MAP3K13: variants seen among roughly 807,000 people sequenced by gnomAD.
MAP3K13 encodes mitogen-activated protein kinase kinase kinase 13.
In MAP3K13, 52 loss-of-function variants were observed where a neutral mutation model predicts 104.0. The observed-to-expected ratio is 0.50, with a 90% CI of 0.40 to 0.63. The LOEUF is 0.63. MAP3K13 is among the 20% of genes least tolerant of loss of function. The probability of loss-of-function intolerance (pLI) is 0.00; values close to 1 mark genes in which losing one functional copy is unlikely to be tolerated. For synonymous variants in MAP3K13, 394 were observed against 442.2 expected (o/e 0.89, Z 1.37); for missense variants, 914 against 1,218.5 (o/e 0.75, Z 3.72).
chr3:185,287,782 T>G (rs1164579110), intron 2 of MAP3K13, among the ~76,000 whole-genome samples: 1 of 152,136 alleles, frequency 6.6e-6, no homozygotes, highest in Non-Finnish European at 1.5e-5. Flanking sequence ...ATGCCTGTAA[T>G]CCTAGCACTT....
intron 2 of MAP3K13, among the ~76,000 whole-genome samples, chr3:185,286,755 A>C (rs1257153668): frequency 6.6e-6 from 1 of 152,204 alleles, no homozygotes; most frequent in African/African-American, 2.4e-5. Context: ...AACCAGTGTA[A>C]GGAATTATTG....
At position 185,482,352 on chromosome 3, in the gene MAP3K13, C is replaced by A; in HGVS notation, c.2800-3C>A. 1 of 1,609,784 alleles carries A rather than the reference C, an allele frequency of 6.2e-7. No homozygotes were observed. Among genetic ancestry groups the A allele is most frequent in the Non-Finnish European group, 8.5e-7 (1 of 1,176,070 alleles). On this transcript the variant is annotated splice_polypyrimidine_tract_variant and splice_region_variant and intron_variant, in intron 13 of 13. Coordinates refer to ENST00000265026, the MANE Select transcript of MAP3K13 (RefSeq NM_004721.5). The surrounding 1 kb of genome is among the most constrained non-coding windows in gnomAD (Gnocchi z 4.5). ...GAATTAAGGTTTTGTCTTGCCTTTGCAGAACCCCATGCAGTTTGAAGAATC... is the reference window on the plus strand; with the variant it reads ...GAATTAAGGTTTTGTCTTGCCTTTGAAGAACCCCATGCAGTTTGAAGAATC...
At position 185,473,679 on chromosome 3, in the gene MAP3K13, G is replaced by A. The variant is rs1717943682; in HGVS notation, c.2348G>A (p.Gly783Asp). ...AAAACGGAAGAAAATGAATTCAGCGGCTGTAGGTCTGAGTCATCCCTCGGC... is the reference window on the plus strand; with the variant it reads ...AAAACGGAAGAAAATGAATTCAGCGACTGTAGGTCTGAGTCATCCCTCGGC... ...SEKTEENEFS[G>D]CRSESSLGTS... The change falls in exon 11 of 14, where the codon GGC becomes GAC. Residue 783 changes from glycine (G) to aspartate (D), a missense_variant. Gly to Asp is a moderately conservative substitution (Grantham distance 94). Coordinates refer to ENST00000265026, the MANE Select transcript of MAP3K13 (RefSeq NM_004721.5). This position sits in a 1 kb window ranked among gnomAD's most constrained non-coding sequence, Gnocchi z 4.9. 3 of 1,614,014 alleles carry A rather than the reference G, an allele frequency of 1.9e-6. No homozygotes were observed. Among genetic ancestry groups the A allele is most frequent in the African/African-American group, 2.7e-5 (2 of 74,916 alleles).
chr3:185,322,923 C>T (rs1721916094), intron 2 of MAP3K13, among the ~76,000 whole-genome samples: 1 of 152,138 alleles, frequency 6.6e-6, no homozygotes, highest in African/African-American at 2.4e-5. Context: ...AGGCCCTCGT[C>T]ACCTCATGCC....
chr3:185,381,214 G>C (rs149980761), intron 1 of MAP3K13, among the ~76,000 whole-genome samples: 1 of 151,962 alleles, frequency 6.6e-6, no homozygotes, highest in Non-Finnish European at 1.5e-5. Context: ...CACCCACCTC[G>C]GCCTCCCAAA....
chr3:185,371,271 C>T (rs371425081), intron 1 of MAP3K13, among the ~76,000 whole-genome samples: 16 of 152,214 alleles, frequency 1.1e-4, no homozygotes, highest in African/African-American at 2.9e-4. Context: ...AATTGTCAAG[C>T]CAAGAGGGCT....
At chr3:185,300,006 C>A (rs1275414825) in intron 2 of MAP3K13, among the ~76,000 whole-genome samples, 2 of 152,218 alleles carry the variant, frequency 1.3e-5, no homozygotes, top group Non-Finnish European at 2.9e-5. Flanking sequence ...CTCACCTTTT[C>A]TCTCTTCCCC....
chr3:185,479,757 G>A (rs113801398), intron 12 of MAP3K13, among the ~76,000 whole-genome samples: 83 of 152,308 alleles, frequency 5.4e-4, no homozygotes, highest in African/African-American at 1.9e-3. Flanking sequence ...TGGAGCTGGG[G>A]AAGTCCAAGA....
chr3:185,291,657 G>T, intron 2 of MAP3K13: 1 of 1,532,136 alleles, frequency 6.5e-7, no homozygotes, highest in Non-Finnish European at 8.7e-7. Context: ...TCATCATTAT[G>T]CATTCAAGAT....
At chr3:185,304,882 TCGGC>T (rs1159341751) in intron 2 of MAP3K13, among the ~76,000 whole-genome samples, 1 of 152,160 alleles carries the variant, frequency 6.6e-6, no homozygotes, top group Non-Finnish European at 1.5e-5. Context: ...TCCGCCCCCT[TCGGC>T]CTCCCAAAGT....
chr3:185,414,159 A>G (rs1482098064), intron 1 of MAP3K13, among the ~76,000 whole-genome samples: 2 of 152,156 alleles, frequency 1.3e-5, no homozygotes, highest in East Asian at 1.9e-4. Flanking sequence ...TTTTTCACCA[A>G]TTATTGTCAA....
At chr3:185,329,207 A>G (rs1367495682) in intron 2 of MAP3K13, 1 of 703,032 alleles carries the variant, frequency 1.4e-6, no homozygotes, top group Non-Finnish European at 2.6e-6. Flanking sequence ...ATGATTTCTA[A>G]TGTCTTATGT....
chr3:185,351,561 T>C (rs1486887826), intron 2 of MAP3K13, among the ~76,000 whole-genome samples: 1 of 152,152 alleles, frequency 6.6e-6, no homozygotes, highest in Non-Finnish European at 1.5e-5. Context: ...TGCCATGAAT[T>C]CCAAGACTAT....
intron 1 of MAP3K13, among the ~76,000 whole-genome samples, chr3:185,411,248 A>G (rs999431013): frequency 1.3e-5 from 2 of 152,328 alleles, no homozygotes; most frequent in East Asian, 3.9e-4. Flanking sequence ...GAACACAGAA[A>G]AAAAAATCAG....
At chr3:185,411,313 G>T (rs1271002008) in intron 1 of MAP3K13, among the ~76,000 whole-genome samples, 3 of 152,132 alleles carry the variant, frequency 2.0e-5, no homozygotes, top group Non-Finnish European at 4.4e-5. Flanking sequence ...CAAAACCCAT[G>T]TACAAAACCT....
Position 185,480,402 on chromosome 3 carries a change from A to G in MAP3K13, c.2672A>G (p.Gln891Arg). 6.2e-7 allele frequency: 1 copy of G among 1,614,218 alleles called. No homozygotes were observed. Among genetic ancestry groups the G allele is most frequent in the Non-Finnish European group, 8.5e-7 (1 of 1,180,042 alleles). The change falls in exon 13 of 14, where the codon CAG (glutamine) becomes CGG (arginine). Residue 891 changes from glutamine to arginine, a missense_variant. This residue lies in a region of MAP3K13 where 583 missense variants were observed against 737.4 expected (regional missense o/e 0.79). Coordinates refer to ENST00000265026, the MANE Select transcript of MAP3K13 (RefSeq NM_004721.5). ...GAGAAGCTAGACGACCTGCTGTCCC[A>G]GACGCCAGAGATTCCCATTGACATA... Reference protein sequence around the residue: ...LAEKLDDLLSQTPEIPIDISS... With the variant: ...LAEKLDDLLSRTPEIPIDISS...
chr3:185,293,968 A>G (rs1437891230), intron 2 of MAP3K13, among the ~76,000 whole-genome samples: 1 of 152,056 alleles, frequency 6.6e-6, no homozygotes, highest in Non-Finnish European at 1.5e-5. Flanking sequence ...GGTTGCTTCA[A>G]CCTCTACTAG....
chr3:185,477,262 G>A (rs1397371320), intron 11 of MAP3K13, 64 bp from the exon 12 acceptor site: 3 of 1,004,628 alleles, frequency 3.0e-6, no homozygotes, highest in Non-Finnish European at 4.8e-6. Context: ...AGTTAGTGGG[G>A]ATGGGGTGAG....
intron 2 of MAP3K13, among the ~76,000 whole-genome samples, chr3:185,314,247 T>TA (rs552692869): frequency 2.1e-3 from 317 of 151,884 alleles, no homozygotes; most frequent in African/African-American, 4.2e-3. Flanking sequence ...ATAAAAGTGG[T>TA]AAAAAAAAAT....
Sources: gnomAD v4.1 joint callset for allele counts (sites outside exome capture counted in the v4.1 genomes callset) on GRCh38, gnomAD v4.1.1 for gene constraint, gnomAD v4.1.1 regional missense constraint, Gnocchi (gnomAD v3.1) non-coding constraint, MANE v1.5 for transcripts, NCBI Gene and HGNC (gene_info 2026-07-23, HGNC 2026-07-21) for gene names.